Variants in INPP5D observed in about 807,000 individuals in gnomAD.
The protein encoded by INPP5D is inositol polyphosphate-5-phosphatase D.
INPP5D carries 33 observed loss-of-function variants against 122.9 expected under a neutral mutation model. That is an observed-to-expected ratio of 0.27 (90% CI 0.20 to 0.36). The LOEUF is 0.36. Among genes scored for constraint, INPP5D ranks in the 10% least tolerant of loss-of-function variants. INPP5D has a pLI of 1.00. For synonymous variants in INPP5D, 584 were observed against 576.2 expected, an observed-to-expected ratio of 1.01 and a Z score of -0.19; for missense variants, 1,053 against 1,412.7, an observed-to-expected ratio of 0.75 and a Z score of 4.08.
rs1274389798 is a variant in INPP5D, at chr2:233,093,036, T to A, written c.198+13638T>A. Among the ~76,000 whole-genome samples, 4 of 152,314 alleles carry A rather than the reference T, an allele frequency of 2.6e-5. No homozygotes were observed. The South Asian group carries it at 8.3e-4, about 32-fold the overall frequency. On this transcript the variant is annotated intron_variant, in intron 2 of 26. Coordinates refer to ENST00000445964, the MANE Select transcript of INPP5D (RefSeq NM_001017915.3). Reference sequence around the variant, plus strand: ...AGAAACAGAAAGAGAAATTAAAGAATGTGTCTTGAGAGAAATGGAACAATA... The same window carrying A: ...AGAAACAGAAAGAGAAATTAAAGAAAGTGTCTTGAGAGAAATGGAACAATA...
At chr2:233,091,272 T>C (rs1336441072) in intron 2 of INPP5D, among the ~76,000 whole-genome samples, 1 of 152,318 alleles carries the variant, frequency 6.6e-6, no homozygotes, top group African/African-American at 2.4e-5. Flanking sequence ...TGTTTTTTCT[T>C]CATAGCCCTT....
intron 2 of INPP5D, among the ~76,000 whole-genome samples, chr2:233,104,259 C>T (rs544822429): frequency 7.2e-5 from 11 of 152,238 alleles, no homozygotes; most frequent in African/African-American, 2.6e-4. Context: ...GATCTGCCTG[C>T]CTTGCCCCAT....
chr2:233,097,078 T>C (rs1692164675), intron 2 of INPP5D, among the ~76,000 whole-genome samples: 1 of 152,244 alleles, frequency 6.6e-6, no homozygotes, highest in Non-Finnish European at 1.5e-5. Flanking sequence ...TCCAAATGGA[T>C]AGCCAACACC....
chr2:233,079,705 C>T (rs1003120273), intron 2 of INPP5D, among the ~76,000 whole-genome samples: 23 of 152,084 alleles, frequency 1.5e-4, no homozygotes, highest in African/African-American at 5.6e-4. Flanking sequence ...GTGGCTTGGC[C>T]GACTGTTGTC....
chr2:233,122,401 C>T lies in INPP5D; in HGVS notation c.349+144C>T, dbSNP rs537757968. The T allele has an allele frequency of 3.5e-6, 3 of 865,400 alleles. No individual in the cohort carries two copies. In the East Asian group the frequency reaches 8.1e-5, roughly 23 times the overall value. The allele number at this position is 865,400 out of a possible 1,614,324, so 53.6% of individuals were successfully genotyped here. A position where few individuals can be genotyped will look rare whatever the true frequency, so the allele number is the denominator to read the frequency against. ...TAAGGACAAGTTAGGAACACAGGCTCTCTGGTCAGGCAGACATGGGTTAAA... is the reference window on the plus strand; with the variant it reads ...TAAGGACAAGTTAGGAACACAGGCTTTCTGGTCAGGCAGACATGGGTTAAA... On this transcript the variant is annotated intron_variant, in intron 3 of 26. Transcript: ENST00000445964.
In INPP5D at chr2:233,195,507, G is replaced by C. The variant is rs764302918; in HGVS notation, c.2693+12G>C. The C allele has an allele frequency of 6.2e-7, 1 of 1,612,558 alleles. No homozygotes were observed. The highest frequency in any genetic ancestry group is 8.5e-7 in the Non-Finnish European group (1 of 1,179,282). The stretch of plus-strand genomic sequence containing the variant: ...GAAGTCACTAGCAGGTAAAGTGGGC[G>C]TGGGGTGGGTGTTGGGGGGGGTGGA... On this transcript the variant is annotated intron_variant, in intron 24 of 26. Transcript: ENST00000445964.
chr2:233,157,279 C>G (rs138854752), intron 9 of INPP5D, among the ~76,000 whole-genome samples: 1 of 152,106 alleles, frequency 6.6e-6, no homozygotes, highest in Non-Finnish European at 1.5e-5. Context: ...TGAAGTAAGG[C>G]CCCAAGGTAA....
chr2:233,134,945 G>A (rs1342023017), intron 5 of INPP5D, among the ~76,000 whole-genome samples: 3 of 148,326 alleles, frequency 2.0e-5, no homozygotes, highest in Non-Finnish European at 4.5e-5. Context: ...TATATCAAAA[G>A]CATGAAAAGA....
intron 21 of INPP5D, among the ~76,000 whole-genome samples, chr2:233,187,671 G>A (rs966845446): frequency 2.6e-5 from 4 of 152,200 alleles, no homozygotes; most frequent in Non-Finnish European, 5.9e-5. Context: ...GCTGCGGCCA[G>A]CTCACATGGC....
At chr2:233,176,210 A>T (rs1368423256) in intron 17 of INPP5D, among the ~76,000 whole-genome samples, 2 of 152,160 alleles carry the variant, frequency 1.3e-5, no homozygotes, top group Non-Finnish European at 2.9e-5. Flanking sequence ...TTGCAGCCTG[A>T]GGCCCTGGAG....
At chr2:233,115,058 G>T (rs897885664) in intron 2 of INPP5D, among the ~76,000 whole-genome samples, 1 of 152,088 alleles carries the variant, frequency 6.6e-6, no homozygotes, top group Non-Finnish European at 1.5e-5. Flanking sequence ...GTAGAGATGA[G>T]GTTTCACCAT....
Position 233,207,511 on chromosome 2 carries a change from A to C in INPP5D, c.*803A>C, listed in dbSNP as rs1695545505. 1 of 152,422 alleles carries C rather than the reference A, an allele frequency of 6.6e-6. No individual in the cohort carries two copies. 9.4% of individuals were successfully genotyped at this position (152,422 alleles called of 1,614,324 possible). On this transcript the variant is annotated 3_prime_UTR_variant, in exon 27 of 27. Transcript: ENST00000445964. The surrounding 1 kb of genome is among the most constrained non-coding windows in gnomAD (Gnocchi z 4.6). ...GGCTAGAGATGCCAAGGCCTGTGCC[A>C]GGTTCCCTGTGCCCTCCTCGAGGTG...
chr2:233,179,169 C>CCCT (rs10653506), intron 18 of INPP5D, among the ~76,000 whole-genome samples: 38,043 of 152,076 alleles, frequency 0.25, 4,854 homozygotes, highest in East Asian at 0.39. Context: ...TAGCCACGGC[C>CCCT]AGGGCATTGT....
chr2:233,079,281 G>T (rs1479863752), intron 1 of INPP5D, 54 bp from the exon 2 acceptor site: 54 of 1,115,296 alleles, frequency 4.8e-5, no homozygotes, highest in Non-Finnish European at 8.2e-6. Flanking sequence ...TTTCAGTTAA[G>T]AGGAAACCGG....
At chr2:233,163,625 T>A (rs1311331706) in intron 11 of INPP5D, 82 bp from the exon 12 acceptor site, 3 of 1,602,162 alleles carry the variant, frequency 1.9e-6, no homozygotes, top group African/African-American at 2.7e-5. Context: ...TCCCTCACAC[T>A]CCCGCCCTCT....
chr2:233,098,263 G>A (rs977565422), intron 2 of INPP5D, among the ~76,000 whole-genome samples: 21 of 152,138 alleles, frequency 1.4e-4, no homozygotes, highest in African/African-American at 5.1e-4. Flanking sequence ...AAGACAAGGA[G>A]TGCAACAGGA....
chr2:233,170,281 TC>T lies in INPP5D; in HGVS notation c.1791+121del, dbSNP rs1283900242. On this transcript the variant is annotated intron_variant, in intron 15 of 26. Transcript: ENST00000445964. The surrounding 1 kb of genome is among the most constrained non-coding windows in gnomAD (Gnocchi z 4.5). ...GAATCAAGTGGGCTGAGGCGGCTGC[TC>T]CCCTTGGGGGCTCAACGCTGTTTCC... The T allele has an allele frequency of 1.3e-6, 2 of 1,511,970 alleles. No individual in the cohort carries two copies. Among genetic ancestry groups the T allele is most frequent in the African/African-American group, 2.8e-5 (2 of 71,920 alleles). The allele number at this position is 1,511,970 out of a possible 1,614,324, so 93.7% of individuals were successfully genotyped here.
chr2:233,172,069 G>T (rs1302731270), intron 17 of INPP5D, among the ~76,000 whole-genome samples: 1 of 152,232 alleles, frequency 6.6e-6, no homozygotes, highest in Non-Finnish European at 1.5e-5. Context: ...CAACTGAGAG[G>T]ACAGGAGGAG....
chr2:233,141,844 C>T (rs1693637897), intron 6 of INPP5D, among the ~76,000 whole-genome samples: 1 of 152,112 alleles, frequency 6.6e-6, no homozygotes, highest in African/African-American at 2.4e-5. Flanking sequence ...GGGACTGGGC[C>T]AAGGGGGATT....
Sources: allele counts gnomAD v4.1 joint callset (sites outside exome capture counted in the v4.1 genomes callset), GRCh38; gene constraint gnomAD v4.1.1; non-coding constraint Gnocchi (gnomAD v3.1); transcripts MANE v1.5; gene names NCBI Gene and HGNC (gene_info 2026-07-23, HGNC 2026-07-21).